The following DCAF5 variants were observed in gnomAD, a reference collection of about 807,000 sequenced individuals.
The protein encoded by DCAF5 is DDB1 and CUL4 associated factor 5, also known as DDB1- and CUL4-associated factor 5.
Under a neutral mutation model 80.7 loss-of-function variants are expected in DCAF5, and 9 were observed. The observed-to-expected ratio is 0.11, with a 90% CI of 0.07 to 0.19. The LOEUF (loss-of-function observed/expected upper bound fraction) is 0.19. Among genes scored for constraint, DCAF5 ranks in the 10% least tolerant of loss-of-function variants. The pLI is 1.00. For synonymous variants in DCAF5, 433 were observed against 461.9 expected (o/e 0.94, Z 0.80); for missense variants, 842 against 1,205.7 (o/e 0.70, Z 4.47).
intron 6 of DCAF5, chr14:69,084,405 T>A: frequency 1.1e-6 from 1 of 902,920 alleles, no homozygotes. Flanking sequence ...GATGTTGAGT[T>A]TGAAGAGGAA....
At chr14:69,150,473 C>T (rs915970203) in intron 1 of DCAF5, among the ~76,000 whole-genome samples, 2 of 152,144 alleles carry the variant, frequency 1.3e-5, no homozygotes, top group African/African-American at 4.8e-5. Context: ...TACAGGGGAG[C>T]GTCCTGCCCA....
rs2037927625 is a variant in DCAF5 at position 69,055,372 on chromosome 14, G to A, written c.1314C>T (p.Leu438=). ...EGWSSDSDSD[L]SESTILQLHA... The stretch of plus-strand genomic sequence containing the variant: ...GCAGTTGGAGGATAGTACTCTCACT[G>A]AGGTCACTGTCTGAGTCAGAGCTCC... Residue 438 remains leucine (L), a synonymous_variant, in exon 9 of 9, where the codon CTC becomes CTT. Transcript: ENST00000341516. The surrounding 1 kb of genome is among the most constrained non-coding windows in gnomAD (Gnocchi z 5.6). The A allele has an allele frequency of 6.2e-7, 1 of 1,614,060 alleles. No individual in the cohort carries two copies. The highest frequency in any genetic ancestry group is 1.1e-5 in the South Asian group (1 of 91,082).
At chr14:69,151,711 G>C (rs1469966537) in intron 1 of DCAF5, among the ~76,000 whole-genome samples, 1 of 152,022 alleles carries the variant, frequency 6.6e-6, no homozygotes, top group Non-Finnish European at 1.5e-5. Context: ...CGACGGCGGC[G>C]AGCGCCCCCA....
intron 5 of DCAF5, among the ~76,000 whole-genome samples, chr14:69,114,864 G>A (rs2040493307): frequency 6.6e-6 from 1 of 152,152 alleles, no homozygotes; most frequent in African/African-American, 2.4e-5. Flanking sequence ...GAGAATGGGA[G>A]AGAATTGGGA....
intron 1 of DCAF5, among the ~76,000 whole-genome samples, chr14:69,135,504 C>A (rs148077607): frequency 3.0e-4 from 45 of 152,246 alleles, no homozygotes; most frequent in African/African-American, 9.4e-4. Context: ...AGATAGTTTG[C>A]ATTGTGAGCT....
chr14:69,070,935 T>C (rs934793560), intron 7 of DCAF5, among the ~76,000 whole-genome samples: 2 of 152,036 alleles, frequency 1.3e-5, no homozygotes, highest in African/African-American at 4.8e-5. Flanking sequence ...GTAGCTGGGA[T>C]GATGGGTGTG....
upstream of DCAF5, chr14:69,153,160 T>C: frequency 2.3e-6 from 1 of 441,966 alleles, no homozygotes; most frequent in South Asian, 5.2e-5. Context: ...GACGGTCCCC[T>C]CCCTCTCCTT....
chr14:69,143,063 T>A (rs987027980), intron 1 of DCAF5, among the ~76,000 whole-genome samples: 2 of 151,986 alleles, frequency 1.3e-5, no homozygotes, highest in African/African-American at 4.8e-5. Context: ...GTGAGGTGAG[T>A]GCTAGCACCA....
At position 69,105,935 on chromosome 14, in the gene DCAF5, ATATATATAT is replaced by A. The variant is rs1418765772; in HGVS notation, c.665+10422_665+10430del. On this transcript the variant is annotated intron_variant, in intron 5 of 8. Coordinates refer to ENST00000341516, the MANE Select transcript of DCAF5 (RefSeq NM_003861.3). ...CTGTCATATATATATATATATATATATATATATATATCTCCTATTGGTTCTGTTCCTCTG... is the reference window on the plus strand; with the variant it reads ...CTGTCATATATATATATATATATATAATCTCCTATTGGTTCTGTTCCTCTG... Among the ~76,000 whole-genome samples the A allele has an allele frequency of 1.3e-4, 12 of 94,516 alleles. 2 individuals carry two copies. The highest frequency in any genetic ancestry group is 1.5e-4 in the African/African-American group (4 of 27,380). 62.0% of individuals were successfully genotyped at this position (94,516 alleles called of 152,430 possible). A position where few individuals can be genotyped will look rare whatever the true frequency, so the allele number is the denominator to read the frequency against.
At chr14:69,087,492 C>A (rs1329276446) in intron 6 of DCAF5, among the ~76,000 whole-genome samples, 1 of 152,172 alleles carries the variant, frequency 6.6e-6, no homozygotes, top group African/African-American at 2.4e-5. Context: ...AAAGTGTAAG[C>A]CTTTAGTTAA....
At chr14:69,142,893 C>A (rs1359935171) in intron 1 of DCAF5, among the ~76,000 whole-genome samples, 2 of 152,162 alleles carry the variant, frequency 1.3e-5, no homozygotes, top group East Asian at 1.9e-4. Context: ...ACTGGGCTAA[C>A]AGACAAGAGA....
intron 7 of DCAF5, among the ~76,000 whole-genome samples, chr14:69,063,333 AGTTTCC>A (rs1045972791): frequency 1.9e-4 from 29 of 152,362 alleles, no homozygotes; most frequent in African/African-American, 6.7e-4. Context: ...ATAAATTCAA[AGTTTCC>A]ACTGCACTGG....
chr14:69,139,510 A>T (rs1023322267), intron 1 of DCAF5, among the ~76,000 whole-genome samples: 6 of 151,920 alleles, frequency 3.9e-5, no homozygotes, highest in Admixed American at 3.3e-4. Context: ...ACAAGAAAGA[A>T]AAGAAAAAAA....
In DCAF5 at chr14:69,083,636, T is replaced by TA; in HGVS notation, c.879+8037dup. 5.2e-6 allele frequency: 3 copies of TA among 577,258 alleles called. No homozygotes were observed. In the East Asian group the frequency reaches 1.1e-4, roughly 22 times the overall value. 35.8% of individuals were successfully genotyped at this position (577,258 alleles called of 1,614,324 possible). On this transcript the variant is annotated intron_variant, in intron 6 of 8. Coordinates refer to ENST00000341516, the MANE Select transcript of DCAF5 (RefSeq NM_003861.3). ...GTGTCTCAAGAAGCAGTGGAAAATA[T>TA]AAAAGTTAAAAAATCTCCCCAGAAA...
rs2040594319 is a variant in DCAF5, at chr14:69,118,042, C to T, written c.535+97G>A. The T allele has an allele frequency of 6.6e-7, 1 of 1,512,962 alleles. No individual in the cohort carries two copies. The highest frequency in any genetic ancestry group is 9.1e-7 in the Non-Finnish European group (1 of 1,102,468). 93.7% of individuals were successfully genotyped at this position (1,512,962 alleles called of 1,614,324 possible). ...TCACATTTCCTTTCCCTTGACATCA[C>T]TTGCACATAGATACTGAGGTAATAA... is the stretch of plus-strand genomic sequence containing the variant. On this transcript the variant is annotated intron_variant, in intron 4 of 8. Transcript: ENST00000341516. The surrounding 1 kb of genome is among the most constrained non-coding windows in gnomAD (Gnocchi z 4.0).
At chr14:69,119,255 TGATCATTC>T in intron 2 of DCAF5, 25 bp from the exon 3 acceptor site, 1 of 1,611,786 alleles carries the variant, frequency 6.2e-7, no homozygotes, top group Non-Finnish European at 8.5e-7. Flanking sequence ...AGCAGACATC[TGATCATTC>T]GTGCAAGGTG....
At chr14:69,111,106 C>A (rs1052784999) in intron 5 of DCAF5, among the ~76,000 whole-genome samples, 1 of 152,174 alleles carries the variant, frequency 6.6e-6, no homozygotes, top group African/African-American at 2.4e-5. Flanking sequence ...GCATGAGTGC[C>A]TTTTCCAGCC....
At chr14:69,071,653 C>A (rs988552256) in intron 7 of DCAF5, among the ~76,000 whole-genome samples, 2 of 152,042 alleles carry the variant, frequency 1.3e-5, no homozygotes, top group Non-Finnish European at 2.9e-5. Flanking sequence ...TGAATGTGTA[C>A]GCACTTATCT....
At chr14:69,057,461 G>T (rs1030891735) in intron 8 of DCAF5, among the ~76,000 whole-genome samples, 6 of 151,744 alleles carry the variant, frequency 4.0e-5, no homozygotes, top group African/African-American at 1.5e-4. Flanking sequence ...AAATCTATTT[G>T]TACCTCACAG....
Sources: allele counts gnomAD v4.1 joint callset (sites outside exome capture counted in the v4.1 genomes callset), GRCh38; gene constraint gnomAD v4.1.1; non-coding constraint Gnocchi (gnomAD v3.1); transcripts MANE v1.5; gene names NCBI Gene and HGNC (gene_info 2026-07-23, HGNC 2026-07-21).